AFG2A: variants seen among roughly 807,000 people sequenced by gnomAD.
AFG2A encodes AAA ATPase AFG2A.
At chr4:122,988,881 C>T in the AFG2A span, among the ~76,000 whole-genome samples, 2 of 152,020 alleles carry the variant, frequency 1.3e-5, no homozygotes, top group Non-Finnish European at 2.9e-5. Context: ...TTTGCTGATT[C>T]TTCTGTTGTA....
chr4:122,923,318 G>A, the AFG2A span: 2 of 1,613,622 alleles, frequency 1.2e-6, no homozygotes, highest in Non-Finnish European at 1.7e-6. Flanking sequence ...AAAGAATTCC[G>A]GGTGGGAGAC....
chr4:123,136,685 A>T, the AFG2A span, among the ~76,000 whole-genome samples: 43,891 of 150,184 alleles, frequency 0.29, 8,370 homozygotes, highest in African/African-American at 0.54. Context: ...AAAAAAAAAA[A>T]ATATATATTA....
the AFG2A span, chr4:122,923,442 G>GT: frequency 8.7e-7 from 1 of 1,155,184 alleles, no homozygotes; most frequent in African/African-American, 1.6e-5. Context: ...ACAGAAGCGT[G>GT]TAAGACTTCT....
chr4:123,300,478 T>C, the AFG2A span, among the ~76,000 whole-genome samples: 1 of 152,130 alleles, frequency 6.6e-6, no homozygotes, highest in Non-Finnish European at 1.5e-5. Flanking sequence ...CTGCAGGAAA[T>C]AGAGTTCAGA....
chr4:123,055,441 C>A, the AFG2A span, among the ~76,000 whole-genome samples: 4 of 152,256 alleles, frequency 2.6e-5, no homozygotes, highest in East Asian at 7.7e-4. Context: ...ATACAGTATG[C>A]TAATTTTCCT....
the AFG2A span, among the ~76,000 whole-genome samples, chr4:123,078,920 G>A: frequency 6.6e-6 from 1 of 152,268 alleles, no homozygotes; most frequent in East Asian, 1.9e-4. Context: ...TTTAGCATAA[G>A]GATTACCTTC....
At chr4:123,272,713 T>G in the AFG2A span, among the ~76,000 whole-genome samples, 11 of 152,120 alleles carry the variant, frequency 7.2e-5, no homozygotes, top group Admixed American at 7.2e-4. Context: ...GCAGTTTCAT[T>G]GAAGGAGCAG....
chr4:123,151,353 T>A, the AFG2A span, among the ~76,000 whole-genome samples: 72 of 152,062 alleles, frequency 4.7e-4, no homozygotes, highest in African/African-American at 1.7e-3. Flanking sequence ...TGGGAGAAAA[T>A]TTTTACAGTC....
the AFG2A span, among the ~76,000 whole-genome samples, chr4:123,087,320 T>C: frequency 6.6e-6 from 1 of 152,182 alleles, no homozygotes; most frequent in African/African-American, 2.4e-5. Context: ...TGGGACAGGA[T>C]GGCTAGATGG....
chr4:122,957,276 G>A, the AFG2A span, among the ~76,000 whole-genome samples: 14 of 152,266 alleles, frequency 9.2e-5, no homozygotes, highest in African/African-American at 3.4e-4. Flanking sequence ...GTTTTCCCAT[G>A]GTGTTCTTAG....
chr4:123,291,789 T>C, the AFG2A span, among the ~76,000 whole-genome samples: 1 of 152,240 alleles, frequency 6.6e-6, no homozygotes, highest in African/African-American at 2.4e-5. Context: ...TTTGTCTCAC[T>C]ACTCTTAGAA....
At chr4:123,298,327 A>C in the AFG2A span, among the ~76,000 whole-genome samples, 1 of 152,190 alleles carries the variant, frequency 6.6e-6, no homozygotes, top group Non-Finnish European at 1.5e-5. Flanking sequence ...TACGGAGAGA[A>C]GCAGAGACAA....
chr4:123,243,808 C>T, the AFG2A span, among the ~76,000 whole-genome samples: 2 of 151,816 alleles, frequency 1.3e-5, no homozygotes, highest in African/African-American at 2.4e-5. Flanking sequence ...CACTTGAGTC[C>T]GGAGTTTAGA....
chr4:123,012,754 T>C, the AFG2A span, among the ~76,000 whole-genome samples: 1 of 151,404 alleles, frequency 6.6e-6, no homozygotes, highest in African/African-American at 2.4e-5. Flanking sequence ...GAGAAAGAGA[T>C]TGAGGGTTAG....
At chr4:123,001,997 G>T in the AFG2A span, among the ~76,000 whole-genome samples, 1 of 152,120 alleles carries the variant, frequency 6.6e-6, no homozygotes, top group Non-Finnish European at 1.5e-5. Flanking sequence ...CTTGTAATGG[G>T]TTCATATATA....
chr4:123,246,909 T>G, the AFG2A span, among the ~76,000 whole-genome samples: 2 of 152,168 alleles, frequency 1.3e-5, no homozygotes, highest in Non-Finnish European at 2.9e-5. Context: ...TCATTTGGAT[T>G]TGGGAAATGT....
chr4:123,209,771 G>A, the AFG2A span, among the ~76,000 whole-genome samples: 1 of 151,980 alleles, frequency 6.6e-6, no homozygotes, highest in African/African-American at 2.4e-5. Context: ...AACTTAGAAG[G>A]TGGAAGGAGA....
the AFG2A span, among the ~76,000 whole-genome samples, chr4:123,079,993 T>C: frequency 6.6e-6 from 1 of 151,996 alleles, no homozygotes; most frequent in Non-Finnish European, 1.5e-5. Flanking sequence ...TCGTGATCCA[T>C]GCGCCTTGGC....
At chr4:122,975,915 C>G in the AFG2A span, among the ~76,000 whole-genome samples, 1 of 152,054 alleles carries the variant, frequency 6.6e-6, no homozygotes, top group Admixed American at 6.5e-5. Flanking sequence ...CTTTAGGAAG[C>G]AGGGGATCTA....
Sources: gnomAD v4.1 joint callset for allele counts (sites outside exome capture counted in the v4.1 genomes callset) on GRCh38, gnomAD v4.1.1 for gene constraint, MANE v1.5 for transcripts, NCBI Gene and HGNC (gene_info 2026-07-23, HGNC 2026-07-21) for gene names.